Variants in BMP2K observed in about 807,000 individuals in gnomAD.
BMP2K encodes the protein BMP-2-inducible protein kinase.
Under a neutral mutation model 116.0 loss-of-function variants are expected in BMP2K, and 74 were observed. The ratio of observed to expected loss-of-function variants is 0.64; its 90% CI spans 0.53 to 0.77. BMP2K has a LOEUF of 0.77. BMP2K is among the 30% of genes least tolerant of loss of function. The pLI, the probability that BMP2K is intolerant of heterozygous loss-of-function variation, is 0.00. For missense variants in BMP2K, 1,365 were observed against 1,403.6 expected (o/e 0.97, Z 0.44); for synonymous variants, 486 against 502.5 (o/e 0.97, Z 0.44).
chr4:78,910,015 T>C (rs1032971817), intron 15 of BMP2K, among the ~76,000 whole-genome samples: 3 of 152,206 alleles, frequency 2.0e-5, no homozygotes, highest in Non-Finnish European at 4.4e-5. Flanking sequence ...AGTCATATCA[T>C]CTAGAGAAGG....
chr4:78,906,676 C>T (rs1734304029), intron 15 of BMP2K, among the ~76,000 whole-genome samples: 1 of 152,078 alleles, frequency 6.6e-6, no homozygotes, highest in Non-Finnish European at 1.5e-5. Context: ...CTTGCTTCTC[C>T]CTACACTTCT....
At chr4:78,829,814 TCTC>T (rs1730112616) in intron 2 of BMP2K, among the ~76,000 whole-genome samples, 1 of 146,680 alleles carries the variant, frequency 6.8e-6, no homozygotes, top group South Asian at 2.1e-4. Context: ...TCTCTTCTCT[TCTC>T]TTCTCTTCTC....
chr4:78,778,299 C>T (rs1311963099), intron 1 of BMP2K, among the ~76,000 whole-genome samples: 1 of 152,060 alleles, frequency 6.6e-6, no homozygotes, highest in Non-Finnish European at 1.5e-5. Flanking sequence ...TTATCACTAC[C>T]CTAAGCAAGC....
At chr4:78,804,117 C>G (rs570279147) in intron 1 of BMP2K, among the ~76,000 whole-genome samples, 2 of 152,254 alleles carry the variant, frequency 1.3e-5, no homozygotes, top group African/African-American at 4.8e-5. Context: ...ACTTACTTTC[C>G]ATTCCTCCCT....
intron 7 of BMP2K, among the ~76,000 whole-genome samples, chr4:78,858,420 A>G (rs1185473657): frequency 6.6e-6 from 1 of 151,976 alleles, no homozygotes; most frequent in Non-Finnish European, 1.5e-5. Context: ...TATAAAAAAC[A>G]TCCATTTTAT....
At chr4:78,786,294 G>A (rs566500914) in intron 1 of BMP2K, among the ~76,000 whole-genome samples, 1 of 152,176 alleles carries the variant, frequency 6.6e-6, no homozygotes, top group African/African-American at 2.4e-5. Flanking sequence ...TGAGAAGATG[G>A]CCATCTGTGA....
At chr4:78,778,426 T>C (rs1727348793) in intron 1 of BMP2K, among the ~76,000 whole-genome samples, 1 of 152,174 alleles carries the variant, frequency 6.6e-6, no homozygotes, top group Non-Finnish European at 1.5e-5. Flanking sequence ...ACTGTTAGAG[T>C]GTTCCACTGA....
intron 1 of BMP2K, among the ~76,000 whole-genome samples, chr4:78,777,247 G>A (rs1727293516): frequency 6.6e-6 from 1 of 152,168 alleles, no homozygotes; most frequent in South Asian, 2.1e-4. Flanking sequence ...GTGATCCTTT[G>A]CTCTAAATTC....
intron 2 of BMP2K, among the ~76,000 whole-genome samples, chr4:78,826,728 C>A (rs1251914972): frequency 6.6e-6 from 1 of 152,088 alleles, no homozygotes; most frequent in Non-Finnish European, 1.5e-5. Context: ...TTGCATGTAA[C>A]CTACACACAT....
At chr4:78,813,391 C>A (rs1486951304) in intron 1 of BMP2K, among the ~76,000 whole-genome samples, 1 of 152,196 alleles carries the variant, frequency 6.6e-6, no homozygotes, top group Non-Finnish European at 1.5e-5. Flanking sequence ...TGAGTCCAGT[C>A]ATGCCACTCC....
In BMP2K at chr4:78,915,142, C is replaced by G. The variant is rs2110117925; in HGVS notation, c.*3109C>G. The G allele has an allele frequency of 6.6e-6, 1 of 152,134 alleles. No individual in the cohort carries two copies. The highest frequency in any genetic ancestry group is 3.4e-3 in the Middle Eastern group (1 of 294). The allele number at this position is 152,134 out of a possible 1,614,324, so 9.4% of individuals were successfully genotyped here. On this transcript the variant is annotated 3_prime_UTR_variant, in exon 16 of 16. Transcript: ENST00000502613. Reference sequence around the variant, plus strand: ...TAATTATTTTCCCTTACCCCAATCCCTGTGTACGTGTTGGGTATAGTTACG... The same window carrying G: ...TAATTATTTTCCCTTACCCCAATCCGTGTGTACGTGTTGGGTATAGTTACG...
chr4:78,783,468 A>G (rs1289271108), intron 1 of BMP2K, among the ~76,000 whole-genome samples: 3 of 152,216 alleles, frequency 2.0e-5, no homozygotes, highest in Non-Finnish European at 2.9e-5. Flanking sequence ...AGTATTCCAA[A>G]AAAACAGTGG....
chr4:78,860,170 T>C (rs1232197004), intron 8 of BMP2K: 1 of 446,634 alleles, frequency 2.2e-6, no homozygotes, highest in Non-Finnish European at 4.3e-6. Flanking sequence ...AGTGGAGTAA[T>C]AGACATTGGA....
chr4:78,868,608 C>A (rs567091831), intron 10 of BMP2K, among the ~76,000 whole-genome samples: 14 of 152,272 alleles, frequency 9.2e-5, no homozygotes, highest in East Asian at 7.7e-4. Flanking sequence ...ACCTATGAGT[C>A]TGTAAAATCA....
intron 14 of BMP2K, among the ~76,000 whole-genome samples, chr4:78,883,109 T>G (rs907659972): frequency 2.0e-5 from 3 of 152,162 alleles, no homozygotes; most frequent in Non-Finnish European, 4.4e-5. Context: ...TTTTGCTATC[T>G]GTATCAATTA....
intron 13 of BMP2K, 68 bp from the exon 14 acceptor site, chr4:78,878,666 A>G (rs1283629813): frequency 8.1e-7 from 1 of 1,232,408 alleles, no homozygotes; most frequent in East Asian, 2.6e-5. Context: ...AAAGTAGGGC[A>G]TTGTAAATTT....
chr4:78,794,913 G>A lies in BMP2K; in HGVS notation c.178+18192G>A, dbSNP rs537462754. On this transcript the variant is annotated intron_variant, in intron 1 of 15. Transcript: ENST00000502613. ...ACTATTTATCTCTAATCATAAGAGG[G>A]ATTATATGAATAAGCCACTGCATTG... 3.9e-5 allele frequency among the ~76,000 whole-genome samples: 6 copies of A among 152,280 alleles called. No individual in the cohort carries two copies. In the East Asian group the frequency reaches 1.2e-3, roughly 29 times the overall value.
chr4:78,785,151 C>G (rs1390328157), intron 1 of BMP2K, among the ~76,000 whole-genome samples: 1 of 151,888 alleles, frequency 6.6e-6, no homozygotes, highest in Admixed American at 6.6e-5. Flanking sequence ...TGCTCTGTTG[C>G]CCAGGCTGGA....
At chr4:78,779,738 C>T (rs576815846) in intron 1 of BMP2K, among the ~76,000 whole-genome samples, 1 of 152,286 alleles carries the variant, frequency 6.6e-6, no homozygotes, top group Admixed American at 6.5e-5. Context: ...AAAGCAGATT[C>T]TCAGGGGTAG....
Sources: allele counts gnomAD v4.1 joint callset (sites outside exome capture counted in the v4.1 genomes callset), GRCh38; gene constraint gnomAD v4.1.1; transcripts MANE v1.5; gene names NCBI Gene and HGNC (gene_info 2026-07-23, HGNC 2026-07-21).